The following PDE6D variants were observed in gnomAD, a reference collection of about 807,000 sequenced individuals.
The protein encoded by PDE6D is retinal rod rhodopsin-sensitive cGMP 3',5'-cyclic phosphodiesterase subunit delta.
Under a neutral mutation model 21.9 loss-of-function variants are expected in PDE6D, and 10 were observed. The observed-to-expected ratio is 0.46, with a 90% CI of 0.28 to 0.78. The LOEUF is 0.78. PDE6D is among the 30% of genes least tolerant of loss of function. PDE6D has a pLI of 0.12. For synonymous variants in PDE6D, 59 were observed against 63.5 expected (o/e 0.93, Z 0.34); for missense variants, 139 against 184.8 (o/e 0.75, Z 1.44).
At chr2:231,753,382 A>G (rs1376936442) in intron 1 of PDE6D, among the ~76,000 whole-genome samples, 1 of 150,840 alleles carries the variant, frequency 6.6e-6, no homozygotes, top group African/African-American at 2.4e-5. Flanking sequence ...AAAAACCCCA[A>G]AAAACAAAAA....
At chr2:231,743,847 G>A (rs2048770555) in intron 1 of PDE6D, among the ~76,000 whole-genome samples, 1 of 151,970 alleles carries the variant, frequency 6.6e-6, no homozygotes, top group Admixed American at 6.6e-5. Context: ...GCTTCCCAAC[G>A]GCAGAAGGAA....
intron 1 of PDE6D, among the ~76,000 whole-genome samples, chr2:231,762,619 A>G (rs2048940062): frequency 6.6e-6 from 1 of 151,840 alleles, no homozygotes; most frequent in South Asian, 2.1e-4. Flanking sequence ...TGCTGGGATT[A>G]CAGGTGTGAG....
At chr2:231,772,646 G>C (rs1027496198) in intron 1 of PDE6D, among the ~76,000 whole-genome samples, 1 of 152,194 alleles carries the variant, frequency 6.6e-6, no homozygotes, top group Non-Finnish European at 1.5e-5. Flanking sequence ...TGTGGATGCA[G>C]AATGCTGACA....
At chr2:231,737,039 G>A in intron 4 of PDE6D, 148 bp downstream of exon 4, 1 of 446,764 alleles carries the variant, frequency 2.2e-6, no homozygotes, top group Non-Finnish European at 4.0e-6. Context: ...AAAAGGTCAG[G>A]AACCTGGAAA....
chr2:231,758,298 A>ATT (rs61283279), intron 1 of PDE6D, among the ~76,000 whole-genome samples: 4 of 148,640 alleles, frequency 2.7e-5, no homozygotes, highest in African/African-American at 7.4e-5. Flanking sequence ...CCCCCAGCTA[A>ATT]TTTTTTTTTT....
intron 1 of PDE6D, among the ~76,000 whole-genome samples, chr2:231,757,938 G>A (rs1456316497): frequency 2.0e-5 from 3 of 151,704 alleles, no homozygotes; most frequent in African/African-American, 4.9e-5. Context: ...CAGAGAAGAT[G>A]AGCATGGCCC....
chr2:231,760,187 T>G (rs1193957069), intron 1 of PDE6D, among the ~76,000 whole-genome samples: 2 of 152,152 alleles, frequency 1.3e-5, no homozygotes, highest in Non-Finnish European at 2.9e-5. Context: ...TAGAAGAAAG[T>G]AAGGGGAAGA....
At chr2:231,734,825 C>T (rs563412164) in intron 4 of PDE6D, among the ~76,000 whole-genome samples, 9 of 133,710 alleles carry the variant, frequency 6.7e-5, no homozygotes, top group South Asian at 2.4e-4. Flanking sequence ...CCAGCCTGGG[C>T]GACAGAGCGA....
intron 1 of PDE6D, among the ~76,000 whole-genome samples, chr2:231,749,557 T>C (rs1185659751): frequency 6.7e-6 from 1 of 149,966 alleles, no homozygotes; most frequent in Non-Finnish European, 1.5e-5. Context: ...TTTTTTGAGA[T>C]GGAGTCTCAC....
At chr2:231,761,593 C>T (rs567024454) in intron 1 of PDE6D, among the ~76,000 whole-genome samples, 37 of 152,200 alleles carry the variant, frequency 2.4e-4, no homozygotes, top group Non-Finnish European at 4.8e-4. Flanking sequence ...TAACTGCAGA[C>T]AGCATGAGGC....
At chr2:231,743,661 G>A (rs73994885) in intron 1 of PDE6D, among the ~76,000 whole-genome samples, 3 of 151,380 alleles carry the variant, frequency 2.0e-5, no homozygotes, top group East Asian at 3.9e-4. Flanking sequence ...AGACAGTGCC[G>A]TTCCTCTCCA....
intron 1 of PDE6D, among the ~76,000 whole-genome samples, chr2:231,757,706 T>G (rs1310314919): frequency 6.6e-6 from 1 of 152,242 alleles, no homozygotes; most frequent in Non-Finnish European, 1.5e-5. Context: ...CTAATAATGT[T>G]TAATGATAAT....
chr2:231,771,194 C>T (rs1438037346), intron 1 of PDE6D, among the ~76,000 whole-genome samples: 1 of 151,964 alleles, frequency 6.6e-6, no homozygotes, highest in East Asian at 1.9e-4. Context: ...GTCTCGAACT[C>T]CTGACCTCAA....
At chr2:231,754,997 G>A (rs1574626399) in intron 1 of PDE6D, among the ~76,000 whole-genome samples, 1 of 152,142 alleles carries the variant, frequency 6.6e-6, no homozygotes, top group South Asian at 2.1e-4. Flanking sequence ...GGCTTTGGGA[G>A]GTGATGAGGC....
chr2:231,752,041 C>G (rs2048843919), intron 1 of PDE6D, among the ~76,000 whole-genome samples: 4 of 152,188 alleles, frequency 2.6e-5, no homozygotes. Context: ...TCATTTATAT[C>G]AGTCCAGCTT....
chr2:231,766,037 A>G (rs748282589), intron 1 of PDE6D, among the ~76,000 whole-genome samples: 1 of 152,220 alleles, frequency 6.6e-6, no homozygotes, highest in Non-Finnish European at 1.5e-5. Flanking sequence ...GGTCATTTAA[A>G]TGCATTTCTC....
At chr2:231,740,976 C>T (rs189777052) in intron 1 of PDE6D, among the ~76,000 whole-genome samples, 192 of 151,192 alleles carry the variant, frequency 1.3e-3, no homozygotes, top group African/African-American at 4.3e-3. Flanking sequence ...CCATCTCTAC[C>T]GAAAACACAA....
At position 231,737,213 on chromosome 2, in the gene PDE6D, G is replaced by T; in HGVS notation, c.345C>A (p.Ser115=). 1.9e-6 allele frequency: 3 copies of T among 1,610,102 alleles called. No individual in the cohort carries two copies. Among genetic ancestry groups the T allele is most frequent in the Non-Finnish European group, 2.6e-6 (3 of 1,176,466 alleles). ...WQSLIEAAPE[S]QMMPASVLTG... is the part of the protein sequence containing the mutation. ...TTAAGACGCTTGCTGGCATCATCTG[G>T]GACTCGGGTGCTGCCTCTATCAAGG... is the stretch of plus-strand genomic sequence containing the variant. The change falls in exon 4 of 5, where the codon TCC becomes TCA. Residue 115 remains serine (S), a synonymous_variant. Transcript: ENST00000287600.
chr2:231,739,326 C>T lies in PDE6D; in HGVS notation c.51-138G>A. 1.3e-6 allele frequency: 1 copy of T among 752,530 alleles called. No individual in the cohort carries two copies. 46.6% of individuals were successfully genotyped at this position (752,530 alleles called of 1,614,324 possible). ...CAAACTGCTCATTGCCATGGAAGCA[C>T]ATAAGAATGTGAGGAGAGTCAAAAA... On this transcript the variant is annotated intron_variant, in intron 1 of 4. Transcript: ENST00000287600. This position sits in a 1 kb window ranked among gnomAD's most constrained non-coding sequence, Gnocchi z 4.2.
Sources: gnomAD v4.1 joint callset for allele counts (sites outside exome capture counted in the v4.1 genomes callset) on GRCh38, gnomAD v4.1.1 for gene constraint, Gnocchi (gnomAD v3.1) non-coding constraint, MANE v1.5 for transcripts, NCBI Gene and HGNC (gene_info 2026-07-23, HGNC 2026-07-21) for gene names.